Variants in EAPP observed in about 807,000 individuals in gnomAD.
EAPP encodes E2F associated phosphoprotein, also known as E2F-associated phosphoprotein.
EAPP carries 38 observed loss-of-function variants against 34.3 expected under a neutral mutation model. The ratio of observed to expected loss-of-function variants is 1.11; its 90% CI spans 0.85 to 1.45. The LOEUF is 1.45. Among genes scored for constraint, EAPP ranks in the 40% most tolerant of loss-of-function variants. The probability of loss-of-function intolerance (pLI) is 0.00; values close to 1 mark genes in which losing one functional copy is unlikely to be tolerated. For synonymous variants in EAPP, 113 were observed against 117.6 expected, an observed-to-expected ratio of 0.96 and a Z score of 0.25; for missense variants, 338 against 343.7, an observed-to-expected ratio of 0.98 and a Z score of 0.13.
chr14:34,532,864 A>G (rs1371128816), intron 3 of EAPP, among the ~76,000 whole-genome samples: 1 of 152,104 alleles, frequency 6.6e-6, no homozygotes, highest in Non-Finnish European at 1.5e-5. Flanking sequence ...TTTAATAGAC[A>G]TGGGGTTTCA....
rs1255739975 is a variant in EAPP at position 34,529,427 on chromosome 14, T to C, written c.401A>G (p.Asn134Ser). The change falls in exon 4 of 6, where the codon AAT becomes AGT. Residue 134 changes from asparagine to serine, a missense_variant. Asn to Ser is a conservative substitution (Grantham distance 46). Coordinates refer to ENST00000250454, the MANE Select transcript of EAPP (RefSeq NM_018453.4). Reference sequence around the variant, plus strand: ...TTCAGGATCATACAGTAATTCGTCATTTGTTGGAATCTTGTGTTGTTTCTT... The same window carrying C: ...TTCAGGATCATACAGTAATTCGTCACTTGTTGGAATCTTGTGTTGTTTCTT... ...KKKKQHKIPT[N>S]DELLYDPEKD... 3 of 1,613,502 alleles carry C rather than the reference T, an allele frequency of 1.9e-6. No homozygotes were observed. Among genetic ancestry groups the C allele is most frequent in the South Asian group, 2.2e-5 (2 of 91,046 alleles).
At position 34,516,556 on chromosome 14, in the gene EAPP, T is replaced by C. The variant is rs1341521708; in HGVS notation, c.612A>G (p.Ala204=). 1 of 1,613,596 alleles carries C rather than the reference T, an allele frequency of 6.2e-7. No homozygotes were observed. The highest frequency in any genetic ancestry group is 1.3e-5 in the African/African-American group (1 of 74,822). The change falls in exon 6 of 6, where the codon GCA becomes GCG. Residue 204 remains alanine, a synonymous_variant. Coordinates refer to ENST00000250454, the MANE Select transcript of EAPP (RefSeq NM_018453.4). ...RHESYKTQYR[A]MFVMNCSINK... is the part of the protein sequence containing the mutation. ...TAATAGAACAATTCATTACAAACAT[T>C]GCTCTATATTGAGTTTTGTATGATT...
intron 1 of EAPP, among the ~76,000 whole-genome samples, chr14:34,537,343 C>T (rs976307679): frequency 2.0e-5 from 3 of 152,120 alleles, no homozygotes; most frequent in Non-Finnish European, 2.9e-5. Flanking sequence ...TGTGAATCTA[C>T]GAAAACTTCA....
chr14:34,530,878 G>A (rs765477581), intron 3 of EAPP, among the ~76,000 whole-genome samples: 120 of 54,106 alleles, frequency 2.2e-3, no homozygotes, highest in Non-Finnish European at 3.6e-3. Context: ...ACCAGCCTAA[G>A]CAACAAAGCA....
At chr14:34,535,463 C>T (rs1378105023) in intron 2 of EAPP, among the ~76,000 whole-genome samples, 1 of 126,704 alleles carries the variant, frequency 7.9e-6, no homozygotes, top group Admixed American at 9.0e-5. Flanking sequence ...GATGGAGTCT[C>T]GCTCTGTCGC....
intron 3 of EAPP, among the ~76,000 whole-genome samples, chr14:34,532,275 T>C (rs539187902): frequency 1.3e-5 from 2 of 151,678 alleles, no homozygotes; most frequent in South Asian, 2.1e-4. Context: ...CTGGCTAACA[T>C]GGTGAAACCC....
Position 34,530,149 on chromosome 14 carries a change from G to A in EAPP, c.353-674C>T, listed in dbSNP as rs192073517. Among the ~76,000 whole-genome samples the A allele has an allele frequency of 7.1e-3, 1,080 of 152,066 alleles. 12 individuals are homozygous for A. The highest frequency in any genetic ancestry group is 0.025 in the African/African-American group (1,025 of 41,482). ...CAGGCGGTGGAGGGTGTGGTGAGCC[G>A]AGATCACGCCATTGCACTCCAGCCT... On this transcript the variant is annotated intron_variant, in intron 3 of 5. Coordinates refer to ENST00000250454, the MANE Select transcript of EAPP (RefSeq NM_018453.4).
At chr14:34,536,417 T>A in intron 1 of EAPP, 142 bp from the exon 2 acceptor site, 3 of 499,500 alleles carry the variant, frequency 6.0e-6, no homozygotes, top group Non-Finnish European at 1.0e-5. Flanking sequence ...ATAGCTATTC[T>A]CACTTAATAA....
intron 5 of EAPP, among the ~76,000 whole-genome samples, chr14:34,519,897 T>C (rs1157349416): frequency 6.6e-6 from 1 of 151,118 alleles, no homozygotes; most frequent in Admixed American, 6.6e-5. Context: ...TTTTTTTTTT[T>C]TTTTGAAACA....
intron 1 of EAPP, among the ~76,000 whole-genome samples, chr14:34,537,622 A>G (rs1328252982): frequency 6.6e-6 from 1 of 152,250 alleles, no homozygotes; most frequent in African/African-American, 2.4e-5. Context: ...CTTCCAGGAC[A>G]AAGAGCAGAT....
At chr14:34,525,538 T>A (rs1880065999) in intron 4 of EAPP, among the ~76,000 whole-genome samples, 1 of 152,128 alleles carries the variant, frequency 6.6e-6, no homozygotes, top group Non-Finnish European at 1.5e-5. Flanking sequence ...TAGACCTGAT[T>A]AGTGCTCCTC....
At chr14:34,538,561 T>C (rs1420315046) in intron 1 of EAPP, among the ~76,000 whole-genome samples, 1 of 150,528 alleles carries the variant, frequency 6.6e-6, no homozygotes, top group African/African-American at 2.4e-5. Context: ...CCCATGACAA[T>C]ATGAGGAAAC....
At chr14:34,529,161 A>T (rs1340764048) in intron 4 of EAPP, among the ~76,000 whole-genome samples, 197 bp downstream of exon 4, 4 of 152,080 alleles carry the variant, frequency 2.6e-5, no homozygotes, top group South Asian at 2.1e-4. Flanking sequence ...AATTTAAAAA[A>T]TTTTAAAAAA....
chr14:34,536,683 A>G (rs1880489005), intron 1 of EAPP, among the ~76,000 whole-genome samples: 1 of 151,716 alleles, frequency 6.6e-6, no homozygotes, highest in Non-Finnish European at 1.5e-5. Context: ...GGGTTTCGCC[A>G]TGTTGCCCAG....
At chr14:34,516,867 C>A (rs1277808700) in intron 5 of EAPP, among the ~76,000 whole-genome samples, 1 of 151,934 alleles carries the variant, frequency 6.6e-6, no homozygotes, top group African/African-American at 2.4e-5. Context: ...CTGCACCAGG[C>A]AGAAGAAACA....
At chr14:34,519,097 A>T (rs1045040200) in intron 5 of EAPP, among the ~76,000 whole-genome samples, 13 of 152,294 alleles carry the variant, frequency 8.5e-5, no homozygotes, top group Admixed American at 4.6e-4. Flanking sequence ...TCTTGGGGGC[A>T]GACTTCCCCC....
rs1420049688 is a variant in EAPP at position 34,524,750 on chromosome 14, A to G, written c.528T>C (p.Asp176=). ...TGCAGGCAGGACAATTCAAGACAGCATCACTATTTGGAACAGGCTGTTGTT... is the reference window on the plus strand; with the variant it reads ...TGCAGGCAGGACAATTCAAGACAGCGTCACTATTTGGAACAGGCTGTTGTT... ...SRQQQPVPNS[D]AVLNCPACMT... is the part of the protein sequence containing the mutation. The change falls in exon 5 of 6, where the codon GAT becomes GAC. Residue 176 remains aspartate, a synonymous_variant. Transcript: ENST00000250454. 3.1e-6 allele frequency: 5 copies of G among 1,613,444 alleles called. No individual in the cohort carries two copies. Among genetic ancestry groups the G allele is most frequent in the Non-Finnish European group, 3.4e-6 (4 of 1,179,900 alleles).
chr14:34,530,925 A>G (rs1880266445), intron 3 of EAPP, among the ~76,000 whole-genome samples: 1 of 147,716 alleles, frequency 6.8e-6, no homozygotes, highest in Non-Finnish European at 1.5e-5. Context: ...AAAAAAAAAA[A>G]AGAAAGAAAG....
intron 2 of EAPP, 90 bp downstream of exon 2, chr14:34,536,004 G>A: frequency 1.1e-6 from 1 of 886,634 alleles, no homozygotes; most frequent in Non-Finnish European, 1.7e-6. Flanking sequence ...AGCACCTACT[G>A]AAAGTGCTGG....
Sources: gnomAD v4.1 joint callset for allele counts (sites outside exome capture counted in the v4.1 genomes callset) on GRCh38, gnomAD v4.1.1 for gene constraint, MANE v1.5 for transcripts, NCBI Gene and HGNC (gene_info 2026-07-23, HGNC 2026-07-21) for gene names.